RUSC2: variants seen among roughly 807,000 people sequenced by gnomAD.
RUSC2 encodes RUN and SH3 domain containing 2, also known as AP-4 complex accessory subunit RUSC2.
Under a neutral mutation model 122.2 loss-of-function variants are expected in RUSC2, and 34 were observed. That is an observed-to-expected ratio of 0.28 (90% CI 0.21 to 0.37). The LOEUF (loss-of-function observed/expected upper bound fraction) is 0.37. Among genes scored for constraint, RUSC2 ranks in the 10% least tolerant of loss-of-function variants. RUSC2 has a pLI of 1.00. For synonymous variants in RUSC2, 784 were observed against 790.0 expected, an observed-to-expected ratio of 0.99 and a Z score of 0.13; for missense variants, 1,747 against 1,952.4, an observed-to-expected ratio of 0.89 and a Z score of 1.98.
chr9:35,513,940 T>TATATA (rs1587842452), intron 1 of RUSC2, among the ~76,000 whole-genome samples: 8 of 97,528 alleles, frequency 8.2e-5, no homozygotes, highest in African/African-American at 2.4e-4. Flanking sequence ...ATATATATAT[T>TATATA]ACTTTATGTG....
Position 35,527,138 on chromosome 9 carries a change from GT to G in RUSC2, c.-92-19282del, listed in dbSNP as rs11455572. On this transcript the variant is annotated intron_variant, in intron 1 of 11. Transcript: ENST00000361226. ...CTGCTGTTAAATTTGTCCTTTCGTT[GT>G]TTTTTTTTTCTTTTTTGAGACAAGG... Among the ~76,000 whole-genome samples the G allele has an allele frequency of 6.3e-3, 937 of 149,266 alleles. 11 individuals carry two copies. Among genetic ancestry groups the G allele is most frequent in the African/African-American group, 0.021 (860 of 40,592 alleles).
chr9:35,540,624 C>T (rs1041058487), intron 1 of RUSC2, among the ~76,000 whole-genome samples: 9 of 152,044 alleles, frequency 5.9e-5, no homozygotes, highest in Admixed American at 5.2e-4. Flanking sequence ...GTGGGATTGG[C>T]AAGTGTTATC....
intron 1 of RUSC2, among the ~76,000 whole-genome samples, chr9:35,525,585 A>G (rs1410419491): frequency 6.6e-6 from 1 of 152,006 alleles, no homozygotes; most frequent in Non-Finnish European, 1.5e-5. Flanking sequence ...GGATCACCTG[A>G]GGCCAGGAGT....
chr9:35,541,496 G>A (rs1209228213), intron 1 of RUSC2, among the ~76,000 whole-genome samples: 1 of 151,662 alleles, frequency 6.6e-6, no homozygotes, highest in African/African-American at 2.4e-5. Context: ...GCCCAGGCTG[G>A]AGTGCAGTGG....
At chr9:35,529,107 CA>C (rs1436698802) in intron 1 of RUSC2, among the ~76,000 whole-genome samples, 1 of 152,104 alleles carries the variant, frequency 6.6e-6, no homozygotes, top group African/African-American at 2.4e-5. Context: ...AGAATATTCT[CA>C]ATTTTTCTCT....
chr9:35,514,740 C>T (rs545349920), intron 1 of RUSC2, among the ~76,000 whole-genome samples: 1 of 152,210 alleles, frequency 6.6e-6, no homozygotes, highest in South Asian at 2.1e-4. Context: ...AGTATGGCAG[C>T]TCCACAGTCA....
chr9:35,550,146 A>G (rs2082170), intron 2 of RUSC2, among the ~76,000 whole-genome samples: 101,781 of 151,080 alleles, frequency 0.67, 34,629 homozygotes, highest in Admixed American at 0.73. Flanking sequence ...TGGGATGGAG[A>G]TTGCAGTGAG....
chr9:35,499,734 G>A (rs1250172298), intron 1 of RUSC2, among the ~76,000 whole-genome samples: 1 of 152,052 alleles, frequency 6.6e-6, no homozygotes, highest in African/African-American at 2.4e-5. Context: ...AAAAGAAAAT[G>A]CACCCTTGTA....
At position 35,548,515 on chromosome 9, in the gene RUSC2, A is replaced by G. The variant is rs771653653; in HGVS notation, c.1994A>G (p.Asp665Gly). The change falls in exon 2 of 12, where the codon GAT becomes GGT. Residue 665 changes from aspartate to glycine, a missense_variant. Coordinates refer to ENST00000361226, the MANE Select transcript of RUSC2 (RefSeq NM_014806.5). This position sits in a 1 kb window ranked among gnomAD's most constrained non-coding sequence, Gnocchi z 4.5. ...CCAGCCAACAGCCATACCCAGAGGG[A>G]TGCAAGAGCTAGAGCTGACGGTAAG... ...GSPANSHTQR[D>G]ARARADGGGT... is the part of the protein sequence containing the mutation. 3.1e-6 allele frequency: 5 copies of G among 1,612,624 alleles called. No individual in the cohort carries two copies. The highest frequency in any genetic ancestry group is 4.2e-6 in the Non-Finnish European group (5 of 1,179,660).
intron 2 of RUSC2, among the ~76,000 whole-genome samples, chr9:35,549,883 C>T (rs1476811983): frequency 1.3e-5 from 2 of 149,764 alleles, no homozygotes; most frequent in Non-Finnish European, 3.0e-5. Context: ...TTAGAAAGAT[C>T]ACTGGTTGGT....
chr9:35,492,848 G>T (rs540330045), intron 1 of RUSC2, among the ~76,000 whole-genome samples: 1 of 151,762 alleles, frequency 6.6e-6, no homozygotes, highest in African/African-American at 2.4e-5. Flanking sequence ...TCCCTACTCC[G>T]CCCCAGGCAA....
chr9:35,535,288 G>A (rs1396946551), intron 1 of RUSC2, among the ~76,000 whole-genome samples: 2 of 151,684 alleles, frequency 1.3e-5, no homozygotes, highest in African/African-American at 4.8e-5. Flanking sequence ...GCTAATTTTT[G>A]TATTTTTAGT....
chr9:35,555,114 C>T lies in RUSC2; in HGVS notation c.2069C>T (p.Thr690Ile). The part of the protein sequence containing the change: ...VLRYSKEQRP[T>I]TLPIQPFVFQ... ...CGCTACAGCAAGGAACAGAGGCCAA[C>T]CACACTGCCCATCCAGCCCTTCGTG... Residue 690 changes from threonine to isoleucine, a missense_variant, in exon 3 of 12, where the codon ACC becomes ATC. Physicochemically the swap from Thr to Ile is moderately conservative, Grantham distance 89. Transcript: ENST00000361226. This position sits in a 1 kb window ranked among gnomAD's most constrained non-coding sequence, Gnocchi z 4.6. The T allele has an allele frequency of 1.2e-6, 2 of 1,613,850 alleles. No individual in the cohort carries two copies. Among genetic ancestry groups the T allele is most frequent in the Non-Finnish European group, 1.7e-6 (2 of 1,180,026 alleles).
chr9:35,558,015 G>C lies in RUSC2; in HGVS notation c.3060+25G>C. ...GGTAGGCAAGGAAATGTGGAGAGCTGAGCTCTGCCTGCAAGCCCTCACCTG... is the reference window on the plus strand; with the variant it reads ...GGTAGGCAAGGAAATGTGGAGAGCTCAGCTCTGCCTGCAAGCCCTCACCTG... On this transcript the variant is annotated intron_variant, in intron 6 of 11. Coordinates refer to ENST00000361226, the MANE Select transcript of RUSC2 (RefSeq NM_014806.5). The surrounding 1 kb of genome is among the most constrained non-coding windows in gnomAD (Gnocchi z 4.3). The C allele has an allele frequency of 3.1e-6, 5 of 1,601,514 alleles. No individual in the cohort carries two copies. The highest frequency in any genetic ancestry group is 4.3e-6 in the Non-Finnish European group (5 of 1,168,540).
chr9:35,491,694 A>G, intron 1 of RUSC2, among the ~76,000 whole-genome samples: 1 of 152,184 alleles, frequency 6.6e-6, no homozygotes, highest in East Asian at 1.9e-4. Flanking sequence ...CTCAGCCTGT[A>G]ATCCCGGCAC....
intron 1 of RUSC2, among the ~76,000 whole-genome samples, chr9:35,526,432 T>G (rs904896974): frequency 6.6e-6 from 1 of 152,208 alleles, no homozygotes; most frequent in Non-Finnish European, 1.5e-5. Context: ...TCACACTTAC[T>G]GGGTATTTAC....
Position 35,548,011 on chromosome 9 carries a change from G to C in RUSC2, c.1490G>C (p.Arg497Pro), listed in dbSNP as rs146253245. Residue 497 changes from arginine to proline, a missense_variant, in exon 2 of 12, where the codon CGC (arginine) becomes CCC (proline). Physicochemically the swap from Arg to Pro is moderately radical, Grantham distance 103. Coordinates refer to ENST00000361226, the MANE Select transcript of RUSC2 (RefSeq NM_014806.5). The surrounding 1 kb of genome is among the most constrained non-coding windows in gnomAD (Gnocchi z 4.5). ...CTCAGCACTGGACGTCAGCGCTCCC[G>C]CAGCTATGATCGCAGCCTGCAGCGC... ...PNLSTGRQRS[R>P]SYDRSLQRSP... 4 of 1,613,920 alleles carry C rather than the reference G, an allele frequency of 2.5e-6. No individual in the cohort carries two copies. The East Asian group carries it at 6.7e-5, about 27-fold the overall frequency.
chr9:35,504,468 T>C (rs1587837550), intron 1 of RUSC2, among the ~76,000 whole-genome samples: 2 of 145,780 alleles, frequency 1.4e-5, no homozygotes, highest in Admixed American at 7.2e-5. Flanking sequence ...GGGTTTTTTT[T>C]CTTTTTTTTT....
chr9:35,501,532 G>A (rs1020230067), intron 1 of RUSC2, among the ~76,000 whole-genome samples: 26 of 152,182 alleles, frequency 1.7e-4, no homozygotes, highest in Non-Finnish European at 3.1e-4. Flanking sequence ...AGCCAAGATC[G>A]TGCCACTGAA....
Sources: gnomAD v4.1 joint callset for allele counts (sites outside exome capture counted in the v4.1 genomes callset) on GRCh38, gnomAD v4.1.1 for gene constraint, Gnocchi (gnomAD v3.1) non-coding constraint, MANE v1.5 for transcripts, NCBI Gene and HGNC (gene_info 2026-07-23, HGNC 2026-07-21) for gene names.